Variants in BEND4 observed in about 807,000 individuals in gnomAD.
BEND4 encodes the protein BEN domain containing 4.
BEND4 carries 27 observed loss-of-function variants against 54.7 expected under a neutral mutation model. That is an observed-to-expected ratio of 0.49 (90% CI 0.36 to 0.68). The LOEUF is 0.68. BEND4 is among the 30% of genes least tolerant of loss of function. BEND4 has a pLI of 0.00. For synonymous variants in BEND4, 327 were observed against 299.5 expected (o/e 1.09, Z -0.95); for missense variants, 702 against 697.2 (o/e 1.01, Z -0.08).
At chr4:42,123,790 A>G (rs1463460257) in intron 4 of BEND4, among the ~76,000 whole-genome samples, 2 of 152,020 alleles carry the variant, frequency 1.3e-5, no homozygotes, top group Non-Finnish European at 2.9e-5. Flanking sequence ...AACCTAGGAA[A>G]AGAGAGGCAG....
chr4:42,124,256 G>A (rs1277008228), intron 4 of BEND4, among the ~76,000 whole-genome samples: 4 of 152,194 alleles, frequency 2.6e-5, no homozygotes, highest in Admixed American at 2.6e-4. Context: ...GCGGGGCTGA[G>A]GTGGGAGGAT....
intron 5 of BEND4, among the ~76,000 whole-genome samples, chr4:42,118,798 G>A (rs1719947694): frequency 6.6e-6 from 1 of 152,170 alleles, no homozygotes; most frequent in Non-Finnish European, 1.5e-5. Flanking sequence ...CATCATCTCT[G>A]ATGATGTCAG....
rs1048199294 is a variant in BEND4, at chr4:42,112,051, A to G, written c.*5467T>C. 7 of 152,212 alleles carry G rather than the reference A, an allele frequency of 4.6e-5. No homozygotes were observed. Among genetic ancestry groups the G allele is most frequent in the African/African-American group, 1.4e-4 (6 of 41,454 alleles). The allele number at this position is 152,212 out of a possible 1,614,324, so 9.4% of individuals were successfully genotyped here. A position where few individuals can be genotyped will look rare whatever the true frequency, so the allele number is the denominator to read the frequency against. Reference sequence around the variant, plus strand: ...GCATCGACATACTTTAGTAGTTTTTAGCAATACACAAATATCAACTCTCCC... The same window carrying G: ...GCATCGACATACTTTAGTAGTTTTTGGCAATACACAAATATCAACTCTCCC... On this transcript the variant is annotated 3_prime_UTR_variant, in exon 6 of 6. Coordinates refer to ENST00000502486, the MANE Select transcript of BEND4 (RefSeq NM_207406.4).
chr4:42,137,802 T>C (rs749571695), intron 3 of BEND4, among the ~76,000 whole-genome samples: 22 of 152,136 alleles, frequency 1.4e-4, no homozygotes, highest in Admixed American at 2.0e-4. Flanking sequence ...AAGACCTGAA[T>C]AGATACTTCT....
chr4:42,114,664 CA>C lies in BEND4; in HGVS notation c.*2853del. ...CCAAGGATTTCAACTGAAAGGCTCA[CA>C]GAGCAATGACAGCATCCGATCCTAG... On this transcript the variant is annotated 3_prime_UTR_variant, in exon 6 of 6. Transcript: ENST00000502486. The C allele has an allele frequency of 6.6e-6, 1 of 152,196 alleles. No homozygotes were observed. The highest frequency in any genetic ancestry group is 1.5e-5 in the Non-Finnish European group (1 of 68,052). 9.4% of individuals were successfully genotyped at this position (152,196 alleles called of 1,614,324 possible). A position where few individuals can be genotyped will look rare whatever the true frequency, so the allele number is the denominator to read the frequency against.
At position 42,143,596 on chromosome 4, in the gene BEND4, G is replaced by A. The variant is rs755284562; in HGVS notation, c.886C>T (p.Pro296Ser). The part of the protein sequence containing the change: ...PVHTLGGWTS[P>S]ATSESHGHPS... Reference sequence around the variant, plus strand: ...TGGCCATGGGATTCGGACGTTGCTGGGGAAGTCCAGCCACCTAATGTATGC... The same window carrying A: ...TGGCCATGGGATTCGGACGTTGCTGAGGAAGTCCAGCCACCTAATGTATGC... The change falls in exon 3 of 6, where the codon CCA (proline) becomes TCA (serine). Residue 296 changes from proline to serine, a missense_variant. By Grantham distance (74) the Pro-to-Ser change is moderately conservative (BLOSUM62 -1). Transcript: ENST00000502486. 6.3e-7 allele frequency: 1 copy of A among 1,596,408 alleles called. No homozygotes were observed. Among genetic ancestry groups the A allele is most frequent in the South Asian group, 1.1e-5 (1 of 88,158 alleles).
chr4:42,140,132 C>G (rs1222756610), intron 3 of BEND4, among the ~76,000 whole-genome samples: 1 of 152,180 alleles, frequency 6.6e-6, no homozygotes, highest in African/African-American at 2.4e-5. Context: ...AAGTTTTCAT[C>G]TCCCAGTGAC....
intron 3 of BEND4, among the ~76,000 whole-genome samples, chr4:42,135,922 C>T (rs1318918927): frequency 2.0e-5 from 3 of 152,194 alleles, no homozygotes; most frequent in Non-Finnish European, 2.9e-5. Context: ...GATTCAAACA[C>T]GGCTTTGACT....
intron 3 of BEND4, among the ~76,000 whole-genome samples, chr4:42,140,746 T>TA (rs1720852046): frequency 6.6e-6 from 1 of 152,010 alleles, no homozygotes; most frequent in African/African-American, 2.4e-5. Context: ...GATCAGGAAT[T>TA]AGACAATAAT....
At chr4:42,133,965 T>C (rs1267329243) in intron 3 of BEND4, among the ~76,000 whole-genome samples, 2 of 152,256 alleles carry the variant, frequency 1.3e-5, no homozygotes, top group African/African-American at 2.4e-5. Flanking sequence ...ATATTGCCTA[T>C]TGTAAGCTAC....
In BEND4 at chr4:42,151,704, C is replaced by A. The variant is rs774751620; in HGVS notation, c.440G>T (p.Gly147Val). 2 of 1,502,472 alleles carry A rather than the reference C, an allele frequency of 1.3e-6. No individual in the cohort carries two copies. Among genetic ancestry groups the A allele is most frequent in the South Asian group, 1.2e-5 (1 of 80,460 alleles). The allele number at this position is 1,502,472 out of a possible 1,614,324, so 93.1% of individuals were successfully genotyped here. The part of the protein sequence containing the change: ...RYGPGAAAAA[G>V]TGGTGSDSAS... ...GCTGTCGCTACCCGTGCCGCCGGTG[C>A]CGGCGGCCGCCGCCGCGCCTGGGCC... Residue 147 changes from glycine to valine, a missense_variant, in exon 2 of 6, where the codon GGC becomes GTC. By Grantham distance (109) the Gly-to-Val change is moderately radical (BLOSUM62 -3). Transcript: ENST00000502486.
Position 42,116,603 on chromosome 4 carries a change from AAGCTGTGTG to A in BEND4, c.*906_*914del, listed in dbSNP as rs1719844891. 1 of 152,226 alleles carries A rather than the reference AAGCTGTGTG, an allele frequency of 6.6e-6. No individual in the cohort carries two copies. The highest frequency in any genetic ancestry group is 2.4e-5 in the African/African-American group (1 of 41,458). The allele number at this position is 152,226 out of a possible 1,614,324, so 9.4% of individuals were successfully genotyped here. The stretch of plus-strand genomic sequence containing the variant: ...TTGCATAGTTGTCAGAATCGCCTTG[AAGCTGTGTG>A]TATACAATGCCAGAACATCTAGTCA... On this transcript the variant is annotated 3_prime_UTR_variant, in exon 6 of 6. Coordinates refer to ENST00000502486, the MANE Select transcript of BEND4 (RefSeq NM_207406.4).
At chr4:42,151,416 CCGGCGCGGGAT>C in intron 2 of BEND4, 1 of 330,372 alleles carries the variant, frequency 3.0e-6, no homozygotes, top group Non-Finnish European at 5.4e-6. Flanking sequence ...GCCGTGCTTC[CCGGCGCGGGAT>C]CCAAGCCGCG....
At chr4:42,146,389 C>T (rs1387251476) in intron 2 of BEND4, among the ~76,000 whole-genome samples, 2 of 152,200 alleles carry the variant, frequency 1.3e-5, no homozygotes, top group Non-Finnish European at 2.9e-5. Flanking sequence ...GTGGACAGAA[C>T]ATATTTTGTT....
At chr4:42,132,144 A>G (rs1173086523) in intron 3 of BEND4, among the ~76,000 whole-genome samples, 1 of 152,260 alleles carries the variant, frequency 6.6e-6, no homozygotes, top group Non-Finnish European at 1.5e-5. Context: ...TGAAAAGGAA[A>G]TTGTGGAAAA....
chr4:42,123,694 G>GAAAAAAAAAAA (rs71664396), intron 4 of BEND4, among the ~76,000 whole-genome samples: 16 of 50,796 alleles, frequency 3.1e-4, no homozygotes, highest in African/African-American at 1.1e-3. Flanking sequence ...CTGTAATTCA[G>GAAAAAAAAAAA]AAAAAAAAAA....
At chr4:42,150,856 G>A (rs779197837) in intron 2 of BEND4, among the ~76,000 whole-genome samples, 1 of 152,218 alleles carries the variant, frequency 6.6e-6, no homozygotes, top group Non-Finnish European at 1.5e-5. Context: ...GCTCGGGAGG[G>A]GCAGGACCCC....
In BEND4 at chr4:42,113,604, T is replaced by G. The variant is rs999425963; in HGVS notation, c.*3914A>C. The G allele has an allele frequency of 2.0e-5, 3 of 152,172 alleles. No individual in the cohort carries two copies. Among genetic ancestry groups the G allele is most frequent in the Admixed American group, 6.5e-5 (1 of 15,274 alleles). 9.4% of individuals were successfully genotyped at this position (152,172 alleles called of 1,614,324 possible). On this transcript the variant is annotated 3_prime_UTR_variant, in exon 6 of 6. Transcript: ENST00000502486. ...GGGTAAACATCTGATACTGCAAGAA[T>G]AGTTACTGGACTTAAAAAAAATCCT...
At chr4:42,126,096 T>C (rs923619832) in intron 3 of BEND4, among the ~76,000 whole-genome samples, 49 of 152,122 alleles carry the variant, frequency 3.2e-4, no homozygotes, top group African/African-American at 1.1e-3. Context: ...CTAAAGGAAA[T>C]AGAATCTTCT....
Sources: allele counts gnomAD v4.1 joint callset (sites outside exome capture counted in the v4.1 genomes callset), GRCh38; gene constraint gnomAD v4.1.1; transcripts MANE v1.5; gene names NCBI Gene and HGNC (gene_info 2026-07-23, HGNC 2026-07-21).